CDK14: variants seen among roughly 807,000 people sequenced by gnomAD.
The protein encoded by CDK14 is cyclin-dependent kinase 14.
In CDK14, 34 loss-of-function variants were observed where a neutral mutation model predicts 60.7. The ratio of observed to expected loss-of-function variants is 0.56; its 90% CI spans 0.43 to 0.75. The LOEUF is 0.75. Among genes scored for constraint, CDK14 ranks in the 30% least tolerant of loss-of-function variants. CDK14 has a pLI of 0.00. For missense variants in CDK14, 482 were observed against 564.1 expected (o/e 0.85, Z 1.47); for synonymous variants, 197 against 203.7 (o/e 0.97, Z 0.28).
chr7:90,768,955 C>T (rs946576985), intron 4 of CDK14, among the ~76,000 whole-genome samples: 2 of 152,218 alleles, frequency 1.3e-5, no homozygotes, highest in South Asian at 2.1e-4. Context: ...TATATAGCTA[C>T]ATTCCAGGCT....
chr7:91,113,222 G>C lies in CDK14; in HGVS notation c.1294+541G>C, dbSNP rs188024416. Among the ~76,000 whole-genome samples, 49 of 152,342 alleles carry C rather than the reference G, an allele frequency of 3.2e-4. 2 individuals carry two copies. The Middle Eastern group carries it at 0.014, about 42-fold the overall frequency. ...AAGGGCTGCTATGCAGCGAGCTGAG[G>C]AGCAGAGTTGGCAATTGGCTAATGC... is the stretch of plus-strand genomic sequence containing the variant. On this transcript the variant is annotated intron_variant, in intron 13 of 14. Transcript: ENST00000380050.
chr7:91,041,700 CT>C lies in CDK14; in HGVS notation c.1042-4195del, dbSNP rs1472126094. Among the ~76,000 whole-genome samples, 4 of 152,206 alleles carry C rather than the reference CT, an allele frequency of 2.6e-5. No individual in the cohort carries two copies. In the South Asian group the frequency reaches 6.2e-4, roughly 24 times the overall value. On this transcript the variant is annotated intron_variant, in intron 10 of 14. Transcript: ENST00000380050. ...ATGTCAACTCCCTTGATGAATTTTA[CT>C]TACAATCCCCCAACCAGTCATGTGA... is the stretch of plus-strand genomic sequence containing the variant.
intron 5 of CDK14, among the ~76,000 whole-genome samples, chr7:90,850,483 GAGA>G (rs1421096754): frequency 1.3e-5 from 2 of 152,182 alleles, no homozygotes; most frequent in Non-Finnish European, 2.9e-5. Context: ...ACACTGCTGA[GAGA>G]AGGTTAGAAA....
At chr7:90,877,647 A>G (rs1035921521) in intron 6 of CDK14, among the ~76,000 whole-genome samples, 2 of 152,134 alleles carry the variant, frequency 1.3e-5, no homozygotes, top group Admixed American at 1.3e-4. Flanking sequence ...AGAACCAGTC[A>G]GGAAAGAAAA....
At chr7:91,004,278 A>G (rs1490389644) in intron 10 of CDK14, among the ~76,000 whole-genome samples, 1 of 152,266 alleles carries the variant, frequency 6.6e-6, no homozygotes, top group Non-Finnish European at 1.5e-5. Context: ...CTTACTAAGA[A>G]AAGAAAGAAG....
At chr7:90,735,815 C>T (rs985305170) in intron 3 of CDK14, among the ~76,000 whole-genome samples, 1 of 152,194 alleles carries the variant, frequency 6.6e-6, no homozygotes, top group Non-Finnish European at 1.5e-5. Context: ...GCTTCAGCCC[C>T]CTTTCCAGGG....
rs527843804 is a variant in CDK14, at chr7:90,762,063, G to A, written c.464+14288G>A. ...CGAGAGTAGTGGGTTATGTATATTT[G>A]CATAAGAGAGGGGTATAGATAGTAA... On this transcript the variant is annotated intron_variant, in intron 4 of 14. Transcript: ENST00000380050. Among the ~76,000 whole-genome samples, 7 of 152,282 alleles carry A rather than the reference G, an allele frequency of 4.6e-5. No individual in the cohort carries two copies. In the South Asian group the frequency reaches 1.5e-3, roughly 32 times the overall value.
intron 2 of CDK14, among the ~76,000 whole-genome samples, chr7:90,687,652 C>G (rs553222153): frequency 6.6e-6 from 1 of 152,084 alleles, no homozygotes; most frequent in African/African-American, 2.4e-5. Flanking sequence ...GTCTTGAAAA[C>G]AAGGCAGAAA....
At chr7:90,870,958 T>C (rs1293060809) in intron 6 of CDK14, among the ~76,000 whole-genome samples, 2 of 152,244 alleles carry the variant, frequency 1.3e-5, no homozygotes, top group Admixed American at 6.5e-5. Flanking sequence ...AGAAATCTAG[T>C]TGTTAGGAGA....
chr7:91,153,287 G>A (rs1562973395), intron 14 of CDK14, among the ~76,000 whole-genome samples: 2 of 152,144 alleles, frequency 1.3e-5, no homozygotes, highest in African/African-American at 4.8e-5. Context: ...GTACAGTGTT[G>A]GTGTGAGTGT....
chr7:91,206,928 G>C (rs1233082226), intron 14 of CDK14, among the ~76,000 whole-genome samples: 1 of 152,102 alleles, frequency 6.6e-6, no homozygotes, highest in African/African-American at 2.4e-5. Context: ...CAATTCAGTT[G>C]GTGGAGTTAA....
intron 14 of CDK14, among the ~76,000 whole-genome samples, chr7:91,165,640 T>C (rs1801323272): frequency 6.6e-6 from 1 of 152,174 alleles, no homozygotes; most frequent in South Asian, 2.1e-4. Flanking sequence ...AAAGTGGACA[T>C]CCCAGCTGCT....
chr7:90,873,235 T>C (rs1044822384), intron 6 of CDK14, among the ~76,000 whole-genome samples: 2 of 152,170 alleles, frequency 1.3e-5, no homozygotes, highest in Non-Finnish European at 2.9e-5. Context: ...AGTTGCCACC[T>C]GATGTAAGTA....
chr7:91,126,301 C>T (rs750996713), intron 14 of CDK14, among the ~76,000 whole-genome samples: 3 of 152,092 alleles, frequency 2.0e-5, no homozygotes, highest in Non-Finnish European at 4.4e-5. Flanking sequence ...CTCTTTTTGT[C>T]GGTGTCAAGA....
intron 14 of CDK14, among the ~76,000 whole-genome samples, chr7:91,144,304 T>C (rs927753588): frequency 7.2e-5 from 11 of 152,224 alleles, no homozygotes; most frequent in Admixed American, 2.6e-4. Flanking sequence ...GATATCACAG[T>C]TATTAATAAA....
intron 8 of CDK14, among the ~76,000 whole-genome samples, chr7:90,945,084 A>T (rs944186142): frequency 1.3e-5 from 2 of 152,220 alleles, no homozygotes; most frequent in Non-Finnish European, 2.9e-5. Context: ...GTTGGCTAGA[A>T]CATAGAAAGG....
rs1800913181 is a variant in CDK14 at position 91,154,272 on chromosome 7, C to T, written c.*28+36064C>T. 2.0e-5 allele frequency among the ~76,000 whole-genome samples: 3 copies of T among 151,132 alleles called. No individual in the cohort carries two copies. The South Asian group carries it at 6.3e-4, about 32-fold the overall frequency. On this transcript the variant is annotated intron_variant, in intron 14 of 14. Coordinates refer to ENST00000380050, the MANE Select transcript of CDK14 (RefSeq NM_001287135.2). ...GAATATTTCCCCATGTCATCAAATC[C>T]TCTTCTGCTTGGTGTATTTTCCTTA...
At position 90,674,189 on chromosome 7, in the gene CDK14, T is replaced by A. The variant is rs112383825; in HGVS notation, c.124-52378T>A. On this transcript the variant is annotated intron_variant, in intron 2 of 14. Coordinates refer to ENST00000380050, the MANE Select transcript of CDK14 (RefSeq NM_001287135.2). ...AAGGATAAAACACTATTTTTAAGAA[T>A]ATGATTATCTATAGCGAGAAAAAAA... Among the ~76,000 whole-genome samples, 575 of 152,284 alleles carry A rather than the reference T, an allele frequency of 3.8e-3. 9 individuals are homozygous for A. Among genetic ancestry groups the A allele is most frequent in the African/African-American group, 0.013 (550 of 41,556 alleles).
chr7:90,728,738 T>C (rs1802735307), intron 3 of CDK14, among the ~76,000 whole-genome samples: 2 of 152,250 alleles, frequency 1.3e-5, no homozygotes, highest in South Asian at 2.1e-4. Context: ...AGAGAAACTG[T>C]TGGCTGTCAG....
Sources: gnomAD v4.1 joint callset for allele counts (sites outside exome capture counted in the v4.1 genomes callset) on GRCh38, gnomAD v4.1.1 for gene constraint, MANE v1.5 for transcripts, NCBI Gene and HGNC (gene_info 2026-07-23, HGNC 2026-07-21) for gene names.